ERC1: variants seen among roughly 807,000 people sequenced by gnomAD.
ERC1 encodes RAB6 interacting protein 2.
A neutral mutation model predicts 132.0 loss-of-function variants in ERC1; 56 were observed. The observed-to-expected ratio is 0.42, with a 90% CI of 0.34 to 0.53. ERC1 has a LOEUF of 0.53. ERC1 is among the 20% of genes least tolerant of loss of function. The pLI, the probability that ERC1 is intolerant of heterozygous loss-of-function variation, is 0.03. For synonymous variants in ERC1, 478 were observed against 476.1 expected (o/e 1.00, Z -0.05); for missense variants, 1,202 against 1,349.9 (o/e 0.89, Z 1.72).
Position 1,492,806 on chromosome 12 carries a change from A to T in ERC1, c.*2576A>T, listed in dbSNP as rs914025377. 2 of 231,572 alleles carry T rather than the reference A, an allele frequency of 8.6e-6. No individual in the cohort carries two copies. The highest frequency in any genetic ancestry group is 1.7e-5 in the Non-Finnish European group (2 of 117,114). 14.3% of individuals were successfully genotyped at this position (231,572 alleles called of 1,614,324 possible). A position where few individuals can be genotyped will look rare whatever the true frequency, so the allele number is the denominator to read the frequency against. ...CAGTTTGTAGCTTTCAGAGTGTCTC[A>T]TTGAGTCTAGATCATTGAACCAACA... On this transcript the variant is annotated 3_prime_UTR_variant, in exon 19 of 19. Coordinates refer to ENST00000360905, the MANE Select transcript of ERC1 (RefSeq NM_178040.4).
intron 2 of ERC1, among the ~76,000 whole-genome samples, chr12:1,040,369 T>G (rs1358597353): frequency 6.6e-6 from 1 of 150,414 alleles, no homozygotes; most frequent in Non-Finnish European, 1.5e-5. Flanking sequence ...TCAACCAGGC[T>G]GGAGTGCAGT....
rs538961813 is a variant in ERC1, at chr12:1,208,957, A to ATTTTTTTTT, written c.2351+18926_2351+18934dup. Among the ~76,000 whole-genome samples the ATTTTTTTTT allele has an allele frequency of 1.5e-4, 11 of 71,610 alleles. 1 individual carries two copies. Among genetic ancestry groups the ATTTTTTTTT allele is most frequent in the African/African-American group, 6.3e-4 (10 of 15,950 alleles). 47.0% of individuals were successfully genotyped at this position (71,610 alleles called of 152,430 possible). On this transcript the variant is annotated intron_variant, in intron 12 of 18. Transcript: ENST00000360905. Reference sequence around the variant, plus strand: ...AGGCACTTGCCACCACGCCCAGCTGATTTTTTTTTTTTTTTTTTTTTTTTT... The same window carrying ATTTTTTTTT: ...AGGCACTTGCCACCACGCCCAGCTGATTTTTTTTTTTTTTTTTTTTTTTTTTTTTTTTTT...
chr12:1,141,562 A>G, intron 7 of ERC1, 58 bp from the exon 8 acceptor site: 1 of 1,411,508 alleles, frequency 7.1e-7, no homozygotes, highest in Non-Finnish European at 9.6e-7. Context: ...TATCTATTTG[A>G]AAGGAATTAC....
At chr12:1,162,606 C>G (rs559283781) in intron 8 of ERC1, among the ~76,000 whole-genome samples, 4 of 151,856 alleles carry the variant, frequency 2.6e-5, no homozygotes, top group African/African-American at 9.7e-5. Flanking sequence ...TTGGATAAGA[C>G]AGTTGTTAGT....
chr12:1,183,356 A>C lies in ERC1; in HGVS notation c.2092A>C (p.Thr698Pro). ...SGLKKDSRLKTLEIALEQKKE... is the reference protein window; with the variant it reads ...SGLKKDSRLKPLEIALEQKKE... The stretch of plus-strand genomic sequence containing the variant: ...ACTGAAAAAGGACTCACGGCTTAAG[A>C]CACTAGAGATTGCTTTGGAGCAGAA... Residue 698 changes from threonine (T) to proline (P), a missense_variant, in exon 11 of 19, where the codon ACA becomes CCA. Transcript: ENST00000360905. The C allele has an allele frequency of 6.2e-7, 1 of 1,601,582 alleles. No homozygotes were observed. Among genetic ancestry groups the C allele is most frequent in the Non-Finnish European group, 8.5e-7 (1 of 1,171,210 alleles).
At chr12:1,432,490 G>A (rs1438678845) in intron 17 of ERC1, among the ~76,000 whole-genome samples, 4 of 152,232 alleles carry the variant, frequency 2.6e-5, no homozygotes, top group African/African-American at 9.6e-5. Flanking sequence ...GGGTGAGGAT[G>A]TCAGGTAGTT....
At chr12:1,383,218 A>G (rs1183317634) in intron 16 of ERC1, among the ~76,000 whole-genome samples, 1 of 152,148 alleles carries the variant, frequency 6.6e-6, no homozygotes, top group Non-Finnish European at 1.5e-5. Context: ...TTTCCTGCCC[A>G]TACGCTGGTG....
chr12:1,180,825 A>G, intron 9 of ERC1, 148 bp downstream of exon 9: 1 of 935,416 alleles, frequency 1.1e-6, no homozygotes. Context: ...GAAGGGAAAC[A>G]TTTTTTTTAG....
At chr12:1,173,657 T>C (rs1394575381) in intron 8 of ERC1, among the ~76,000 whole-genome samples, 1 of 152,212 alleles carries the variant, frequency 6.6e-6, no homozygotes, top group African/African-American at 2.4e-5. Flanking sequence ...AAAAATGGCA[T>C]AATACATACT....
At chr12:1,204,814 TA>T (rs2154287128) in intron 12 of ERC1, among the ~76,000 whole-genome samples, 2 of 152,282 alleles carry the variant, frequency 1.3e-5, no homozygotes, top group African/African-American at 4.8e-5. Context: ...TGTGTTAATG[TA>T]ATTGAACATT....
At chr12:1,340,429 G>A (rs1002682837) in intron 15 of ERC1, among the ~76,000 whole-genome samples, 1 of 152,140 alleles carries the variant, frequency 6.6e-6, no homozygotes, top group Non-Finnish European at 1.5e-5. Flanking sequence ...CTGACGCGCT[G>A]CCCTTGCTTC....
intron 17 of ERC1, among the ~76,000 whole-genome samples, chr12:1,413,899 G>C (rs910620209): frequency 6.6e-6 from 1 of 152,220 alleles, no homozygotes; most frequent in Non-Finnish European, 1.5e-5. Flanking sequence ...CTGGCACCAG[G>C]AACCGGTTTC....
intron 14 of ERC1, among the ~76,000 whole-genome samples, chr12:1,275,670 C>T (rs367914580): frequency 7.2e-5 from 11 of 152,204 alleles, no homozygotes; most frequent in African/African-American, 2.4e-4. Context: ...TTGATTTCTA[C>T]GCTTCTTATC....
intron 15 of ERC1, among the ~76,000 whole-genome samples, chr12:1,305,185 G>A (rs898084704): frequency 6.6e-6 from 1 of 152,138 alleles, no homozygotes; most frequent in African/African-American, 2.4e-5. Context: ...GCAGCGTCCA[G>A]GTTCTCTCTC....
chr12:1,215,788 C>A (rs988859685), intron 12 of ERC1, among the ~76,000 whole-genome samples: 2 of 152,032 alleles, frequency 1.3e-5, no homozygotes, highest in African/African-American at 4.8e-5. Flanking sequence ...ACAAAAGAAT[C>A]TTTTCCTCAT....
chr12:1,016,388 A>G (rs1965504683), intron 1 of ERC1, among the ~76,000 whole-genome samples: 2 of 152,220 alleles, frequency 1.3e-5, no homozygotes, highest in African/African-American at 4.8e-5. Flanking sequence ...GACTCAGTTC[A>G]TAAAGAGCTA....
intron 13 of ERC1, among the ~76,000 whole-genome samples, chr12:1,238,590 C>A (rs1011926600): frequency 6.6e-6 from 1 of 152,098 alleles, no homozygotes; most frequent in Admixed American, 6.6e-5. Flanking sequence ...TTCAGTTTAA[C>A]CTCCCTTCTT....
At chr12:1,402,853 T>A (rs2091191956) in intron 16 of ERC1, among the ~76,000 whole-genome samples, 1 of 152,210 alleles carries the variant, frequency 6.6e-6, no homozygotes, top group Non-Finnish European at 1.5e-5. Flanking sequence ...CAGACTTCTA[T>A]TACTAAAGAA....
chr12:1,354,384 A>ATGG (rs1222690873), intron 15 of ERC1, among the ~76,000 whole-genome samples: 1 of 152,024 alleles, frequency 6.6e-6, no homozygotes. Flanking sequence ...CCAGCTGGGC[A>ATGG]TGGTGGCAGG....
Sources: gnomAD v4.1 joint callset for allele counts (sites outside exome capture counted in the v4.1 genomes callset) on GRCh38, gnomAD v4.1.1 for gene constraint, MANE v1.5 for transcripts, NCBI Gene and HGNC (gene_info 2026-07-23, HGNC 2026-07-21) for gene names.